MDGA1: variants seen among roughly 807,000 people sequenced by gnomAD.
The protein encoded by MDGA1 is MAM domain containing glycosylphosphatidylinositol anchor 1.
A neutral mutation model predicts 101.5 loss-of-function variants in MDGA1; 54 were observed. The observed-to-expected ratio is 0.53, with a 90% CI of 0.43 to 0.67. The LOEUF (loss-of-function observed/expected upper bound fraction) is 0.67, where lower values mean the gene tolerates loss of function less well. MDGA1 is among the 30% of genes least tolerant of loss of function. The pLI is 0.00. For missense variants in MDGA1, 1,083 were observed against 1,323.8 expected, an observed-to-expected ratio of 0.82 and a Z score of 2.82; for synonymous variants, 533 against 558.3, an observed-to-expected ratio of 0.95 and a Z score of 0.64.
At chr6:37,674,277 T>C (rs1412613469) in intron 1 of MDGA1, among the ~76,000 whole-genome samples, 1 of 152,242 alleles carries the variant, frequency 6.6e-6, no homozygotes, top group Non-Finnish European at 1.5e-5. Context: ...TGTCACTGAA[T>C]ACAGCAACCA....
chr6:37,688,694 C>T (rs1762248130), intron 1 of MDGA1, among the ~76,000 whole-genome samples: 1 of 152,202 alleles, frequency 6.6e-6, no homozygotes, highest in Non-Finnish European at 1.5e-5. Flanking sequence ...TCTCTGCTCT[C>T]GTGAAACGGA....
intron 1 of MDGA1, among the ~76,000 whole-genome samples, chr6:37,666,001 C>T (rs1761741324): frequency 6.6e-6 from 1 of 152,114 alleles, no homozygotes; most frequent in South Asian, 2.1e-4. Flanking sequence ...CCAGAGGCTA[C>T]ACTTCCCAGC....
intron 1 of MDGA1, 24 bp from the exon 2 acceptor site, chr6:37,664,130 A>T (rs1761689994): frequency 6.2e-7 from 1 of 1,613,066 alleles, no homozygotes; most frequent in Admixed American, 1.7e-5. Flanking sequence ...ATGGAGGAGG[A>T]GGTTTAGAGA....
intron 1 of MDGA1, among the ~76,000 whole-genome samples, chr6:37,666,771 G>A (rs138714859): frequency 2.0e-5 from 3 of 152,358 alleles, no homozygotes; most frequent in Admixed American, 2.0e-4. Context: ...GCCCTGGGAT[G>A]TCAGAAAACA....
chr6:37,648,574 T>G, intron 9 of MDGA1: 1 of 225,688 alleles, frequency 4.4e-6, no homozygotes, highest in Non-Finnish European at 8.7e-6. Context: ...TGGGTGCTGG[T>G]AGAGAGGCGA....
rs59059592 is a variant in MDGA1 at position 37,668,249 on chromosome 6, T to TAAA, written c.68-4146_68-4144dup. Among the ~76,000 whole-genome samples, 821 of 129,114 alleles carry TAAA rather than the reference T, an allele frequency of 6.4e-3. 10 individuals carry two copies. The highest frequency in any genetic ancestry group is 0.022 in the African/African-American group (770 of 35,080). 84.7% of individuals were successfully genotyped at this position (129,114 alleles called of 152,430 possible). ...CTGGGCAACAGAGTGAGATTCTGTCTAAAAAAAAAAAAAAAGGTGATCCAG... is the reference window on the plus strand; with the variant it reads ...CTGGGCAACAGAGTGAGATTCTGTCTAAAAAAAAAAAAAAAAAAGGTGATCCAG... On this transcript the variant is annotated intron_variant, in intron 1 of 16. Coordinates refer to ENST00000434837, the MANE Select transcript of MDGA1 (RefSeq NM_153487.4).
intron 1 of MDGA1, among the ~76,000 whole-genome samples, chr6:37,676,939 C>A (rs868335443): frequency 2.1e-4 from 32 of 151,234 alleles, no homozygotes; most frequent in African/African-American, 7.0e-4. Flanking sequence ...ACCAAACCTG[C>A]AAGAACTAGT....
chr6:37,695,948 G>A (rs1332779083), intron 1 of MDGA1, among the ~76,000 whole-genome samples: 6 of 152,208 alleles, frequency 3.9e-5, no homozygotes, highest in African/African-American at 1.4e-4. Flanking sequence ...AGGATGGAAG[G>A]GGGAAGGGGT....
At chr6:37,677,675 C>CT (rs56118824) in intron 1 of MDGA1, among the ~76,000 whole-genome samples, 43,557 of 151,998 alleles carry the variant, frequency 0.29, 6,476 homozygotes, top group East Asian at 0.43. Context: ...CATTGGGCTT[C>CT]TTTTTTTTCT....
At position 37,655,691 on chromosome 6, in the gene MDGA1, C is replaced by T. The variant is rs1314253116; in HGVS notation, c.579+9G>A. 2.5e-6 allele frequency: 4 copies of T among 1,596,888 alleles called. No homozygotes were observed. The highest frequency in any genetic ancestry group is 3.4e-6 in the Non-Finnish European group (4 of 1,170,884). On this transcript the variant is annotated intron_variant, in intron 4 of 16. Transcript: ENST00000434837. The surrounding 1 kb of genome is among the most constrained non-coding windows in gnomAD (Gnocchi z 5.1). ...AGTGGTATGGGGCGAGCCAGCTGCCCATCCTGACCTGAGTGTAGAGGGGCT... is the reference window on the plus strand; with the variant it reads ...AGTGGTATGGGGCGAGCCAGCTGCCTATCCTGACCTGAGTGTAGAGGGGCT...
At position 37,645,954 on chromosome 6, in the gene MDGA1, T is replaced by G. The variant is rs1473711513; in HGVS notation, c.2227A>C (p.Ile743Leu). 1 of 1,614,020 alleles carries G rather than the reference T, an allele frequency of 6.2e-7. No individual in the cohort carries two copies. Among genetic ancestry groups the G allele is most frequent in the East Asian group, 2.2e-5 (1 of 44,888 alleles). Reference protein sequence around the residue: ...ASRIIHYTEPINSPNLSDNTC... With the variant: ...ASRIIHYTEPLNSPNLSDNTC... ...TCACCTGAAAGGTTCGGAGAGTTGATGGCTGAGAAAGCAAGCGGGGAAACC... is the reference window on the plus strand; with the variant it reads ...TCACCTGAAAGGTTCGGAGAGTTGAGGGCTGAGAAAGCAAGCGGGGAAACC... Residue 743 changes from isoleucine to leucine, a missense_variant and splice_region_variant, in exon 12 of 17, where the codon ATC becomes CTC. Around this residue, in one of 3 missense-constraint regions of MDGA1, gnomAD observed 657 missense variants for 771.4 expected, o/e 0.85. Transcript: ENST00000434837.
At chr6:37,639,051 C>G (rs11753500) in intron 14 of MDGA1, 14,854 of 212,268 alleles carry the variant, frequency 0.07, 714 homozygotes, top group Middle Eastern at 0.17. Flanking sequence ...CCAAAGAAAA[C>G]AGTGTGTCCC....
At chr6:37,694,046 C>T (rs1267062705) in intron 1 of MDGA1, among the ~76,000 whole-genome samples, 2 of 152,192 alleles carry the variant, frequency 1.3e-5, no homozygotes, top group African/African-American at 4.8e-5. Context: ...GTTCGCTCTC[C>T]ACCGCCTGCT....
chr6:37,654,811 G>C lies in MDGA1; in HGVS notation c.701C>G (p.Thr234Ser), dbSNP rs756064193. 1.1e-5 allele frequency: 18 copies of C among 1,613,678 alleles called. No individual in the cohort carries two copies. Among genetic ancestry groups the C allele is most frequent in the African/African-American group, 1.3e-5 (1 of 74,862 alleles). The part of the protein sequence containing the change: ...IPDKAITFRL[T>S]NTTAPPALKL... ...GAAAATGCCTGTACCCGTGGTGTTG[G>C]TGAGCCGGAAGGTGATGGCCTTGTC... The change falls in exon 5 of 17, where the codon ACC becomes AGC. Residue 234 changes from threonine (T) to serine (S), a missense_variant. Transcript: ENST00000434837.
chr6:37,662,871 G>C (rs1761659676), intron 2 of MDGA1, among the ~76,000 whole-genome samples: 1 of 152,104 alleles, frequency 6.6e-6, no homozygotes. Context: ...TGACCCAGAG[G>C]CCTCACTGGC....
At chr6:37,683,527 C>T (rs1426163030) in intron 1 of MDGA1, among the ~76,000 whole-genome samples, 1 of 152,252 alleles carries the variant, frequency 6.6e-6, no homozygotes, top group Non-Finnish European at 1.5e-5. Context: ...CACCTCTCTG[C>T]CTGAGGGCCA....
rs756538014 is a variant in MDGA1 at position 37,647,332 on chromosome 6, G to C, written c.1895-8C>G. ...CCGGGCTGTAGGCTTTGGCTAAGAG[G>C]GCGGGGAGGGGGGCATTGGGCCGTG... On this transcript the variant is annotated splice_region_variant and splice_polypyrimidine_tract_variant and intron_variant, in intron 9 of 16. Coordinates refer to ENST00000434837, the MANE Select transcript of MDGA1 (RefSeq NM_153487.4). 4 of 1,524,796 alleles carry C rather than the reference G, an allele frequency of 2.6e-6. No individual in the cohort carries two copies. Among genetic ancestry groups the C allele is most frequent in the South Asian group, 2.5e-5 (2 of 80,604 alleles). 94.5% of individuals were successfully genotyped at this position (1,524,796 alleles called of 1,614,324 possible).
intron 1 of MDGA1, among the ~76,000 whole-genome samples, chr6:37,681,937 C>T (rs1008337234): frequency 5.3e-5 from 8 of 152,220 alleles, no homozygotes; most frequent in Admixed American, 3.3e-4. Flanking sequence ...GCAAGCTCCT[C>T]CTAGTATCCC....
intron 1 of MDGA1, among the ~76,000 whole-genome samples, chr6:37,677,128 A>T (rs1761997612): frequency 6.6e-6 from 1 of 152,202 alleles, no homozygotes; most frequent in South Asian, 2.1e-4. Context: ...CGAACGACCC[A>T]AGTATGGCTT....
Sources: allele counts gnomAD v4.1 joint callset (sites outside exome capture counted in the v4.1 genomes callset), GRCh38; gene constraint gnomAD v4.1.1; regional missense constraint gnomAD v4.1.1; non-coding constraint Gnocchi (gnomAD v3.1); transcripts MANE v1.5; gene names NCBI Gene and HGNC (gene_info 2026-07-23, HGNC 2026-07-21).